Variants in GABRG3 observed in about 807,000 individuals in gnomAD.
GABRG3 encodes the protein gamma-aminobutyric acid receptor subunit gamma-3.
A neutral mutation model predicts 48.8 loss-of-function variants in GABRG3; 25 were observed. The observed-to-expected ratio is 0.51, with a 90% CI of 0.37 to 0.72. The LOEUF (loss-of-function observed/expected upper bound fraction) is 0.72, where lower values mean the gene tolerates loss of function less well. GABRG3 is among the 30% of genes least tolerant of loss of function. GABRG3 has a pLI of 0.00. For synonymous variants in GABRG3, 227 were observed against 217.6 expected, an observed-to-expected ratio of 1.04 and a Z score of -0.38; for missense variants, 394 against 577.9, an observed-to-expected ratio of 0.68 and a Z score of 3.26.
intron 3 of GABRG3, among the ~76,000 whole-genome samples, chr15:27,140,753 T>C (rs182478431): frequency 6.6e-6 from 1 of 152,314 alleles, no homozygotes; most frequent in African/African-American, 2.4e-5. Flanking sequence ...GCATTGACTT[T>C]CATCTTTTTG....
chr15:27,493,078 A>G (rs1489846823), intron 6 of GABRG3, among the ~76,000 whole-genome samples: 1 of 152,224 alleles, frequency 6.6e-6, no homozygotes, highest in Non-Finnish European at 1.5e-5. Flanking sequence ...TTCTTAAATT[A>G]TTGATGCATA....
At chr15:27,255,646 A>T (rs1890588616) in intron 3 of GABRG3, among the ~76,000 whole-genome samples, 1 of 151,892 alleles carries the variant, frequency 6.6e-6, no homozygotes, top group Non-Finnish European at 1.5e-5. Flanking sequence ...AAATCCTGGT[A>T]CTTATTCAGC....
At chr15:27,448,903 C>G (rs1409586642) in intron 5 of GABRG3, among the ~76,000 whole-genome samples, 1 of 152,014 alleles carries the variant, frequency 6.6e-6, no homozygotes, top group Non-Finnish European at 1.5e-5. Flanking sequence ...AGGGATTTCC[C>G]AAATTGTCTT....
rs59391125 is a variant in GABRG3, at chr15:26,974,843, T to TTTATTATTA, written c.54-2120_54-2112dup. 6.2e-4 allele frequency among the ~76,000 whole-genome samples: 87 copies of TTTATTATTA among 140,848 alleles called. No homozygotes were observed. Among genetic ancestry groups the TTTATTATTA allele is most frequent in the East Asian group, 8.2e-4 (4 of 4,880 alleles). The allele number at this position is 140,848 out of a possible 152,430, so 92.4% of individuals were successfully genotyped here. A position where few individuals can be genotyped will look rare whatever the true frequency, so the allele number is the denominator to read the frequency against. On this transcript the variant is annotated intron_variant, in intron 1 of 9. Transcript: ENST00000615808. This position sits in a 1 kb window ranked among gnomAD's most constrained non-coding sequence, Gnocchi z 4.3. ...CAGATGACACGAAATATTTTTTAAA[T>TTTATTATTA]TTATTATTATTATTATTATTATTAT... is the stretch of plus-strand genomic sequence containing the variant.
intron 3 of GABRG3, among the ~76,000 whole-genome samples, chr15:27,217,177 T>C (rs1372417355): frequency 1.3e-5 from 2 of 152,136 alleles, no homozygotes; most frequent in Middle Eastern, 3.2e-3. Context: ...CAGTCTATCA[T>C]TGTTGGACAC....
In GABRG3 at chr15:27,533,392, T is replaced by G. The variant is rs1278792120; in HGVS notation, c.*511T>G. ...ACAGCAGTGGGTTCCAACCCCAGTC[T>G]CCTTTCTCTGTGGCCTCTCTGGCTC... On this transcript the variant is annotated 3_prime_UTR_variant, in exon 10 of 10. Transcript: ENST00000615808. The G allele has an allele frequency of 1.9e-5, 3 of 154,470 alleles. No individual in the cohort carries two copies. Among genetic ancestry groups the G allele is most frequent in the African/African-American group, 7.2e-5 (3 of 41,438 alleles). The allele number at this position is 154,470 out of a possible 1,614,324, so 9.6% of individuals were successfully genotyped here.
chr15:27,377,012 G>A lies in GABRG3; in HGVS notation c.574+48124G>A, dbSNP rs140400174. 8.1e-4 allele frequency among the ~76,000 whole-genome samples: 123 copies of A among 152,162 alleles called. 1 individual carries two copies. Among genetic ancestry groups the A allele is most frequent in the African/African-American group, 2.8e-3 (118 of 41,502 alleles). On this transcript the variant is annotated intron_variant, in intron 5 of 9. Coordinates refer to ENST00000615808, the MANE Select transcript of GABRG3 (RefSeq NM_033223.5). The stretch of plus-strand genomic sequence containing the variant: ...ACCCAACTCACCTCTTGAATGCTTT[G>A]CTGCTTAGAAATTTCTCCACCAGAT...
intron 5 of GABRG3, chr15:27,362,665 A>AT (rs1041766172): frequency 6.6e-6 from 1 of 152,134 alleles, no homozygotes; most frequent in Non-Finnish European, 1.5e-5. Context: ...AGGAACTGGG[A>AT]TTTTTTCACC....
At chr15:27,064,692 G>C (rs1165671174) in intron 3 of GABRG3, among the ~76,000 whole-genome samples, 4 of 152,102 alleles carry the variant, frequency 2.6e-5, no homozygotes, top group Admixed American at 2.0e-4. Flanking sequence ...TAAAGAATGA[G>C]CGTGCAGCAC....
intron 5 of GABRG3, chr15:27,362,277 C>T (rs2140547532): frequency 6.6e-6 from 1 of 152,274 alleles, no homozygotes; most frequent in Admixed American, 6.5e-5. Context: ...TCAGAAATAC[C>T]AGGAAGCTGA....
intron 4 of GABRG3, 55 bp from the exon 5 acceptor site, chr15:27,328,751 C>G: frequency 6.6e-7 from 1 of 1,520,184 alleles, no homozygotes; most frequent in Non-Finnish European, 9.1e-7. Flanking sequence ...GTAACGGCCG[C>G]CGGCCTTGCC....
chr15:27,227,133 C>A lies in GABRG3; in HGVS notation c.271-99676C>A, dbSNP rs563684535. ...TGCATAGAATGTTGTTGATTTAACA[C>A]TAAGGTATCAAGTTCATTAACAGAA... On this transcript the variant is annotated intron_variant, in intron 3 of 9. Transcript: ENST00000615808. Among the ~76,000 whole-genome samples the A allele has an allele frequency of 2.6e-5, 4 of 152,292 alleles. No individual in the cohort carries two copies. In the South Asian group the frequency reaches 8.3e-4, roughly 32 times the overall value.
At chr15:27,104,933 T>A (rs1222095902) in intron 3 of GABRG3, among the ~76,000 whole-genome samples, 1 of 152,210 alleles carries the variant, frequency 6.6e-6, no homozygotes, top group Non-Finnish European at 1.5e-5. Flanking sequence ...AATAATCACT[T>A]TAAGTCTAAA....
At chr15:27,172,319 G>A (rs1016362467) in intron 3 of GABRG3, among the ~76,000 whole-genome samples, 47 of 152,054 alleles carry the variant, frequency 3.1e-4, no homozygotes, top group African/African-American at 1.1e-3. Flanking sequence ...TTGAAATCTT[G>A]GAAGGCTCCT....
At chr15:26,998,460 T>C (rs937637746) in intron 2 of GABRG3, among the ~76,000 whole-genome samples, 3 of 152,200 alleles carry the variant, frequency 2.0e-5, no homozygotes, top group South Asian at 4.1e-4. Flanking sequence ...ACAACAGGCA[T>C]TGGGGTGGTG....
intron 2 of GABRG3, among the ~76,000 whole-genome samples, chr15:27,018,897 A>G (rs933795488): frequency 4.6e-5 from 7 of 152,188 alleles, no homozygotes; most frequent in African/African-American, 1.4e-4. Context: ...GCATTTGAAA[A>G]CAAATCTTCA....
At chr15:27,290,062 G>A (rs1223128328) in intron 3 of GABRG3, among the ~76,000 whole-genome samples, 1 of 152,090 alleles carries the variant, frequency 6.6e-6, no homozygotes, top group African/African-American at 2.4e-5. Flanking sequence ...ACCTTCTAGT[G>A]CCAGAAAGCA....
At chr15:27,093,657 A>G (rs1897229173) in intron 3 of GABRG3, among the ~76,000 whole-genome samples, 1 of 152,032 alleles carries the variant, frequency 6.6e-6, no homozygotes, top group Admixed American at 6.5e-5. Flanking sequence ...AAATTTTAGA[A>G]AGATATCAGG....
At chr15:27,230,298 C>G (rs981257593) in intron 3 of GABRG3, among the ~76,000 whole-genome samples, 8 of 152,150 alleles carry the variant, frequency 5.3e-5, no homozygotes, top group Non-Finnish European at 1.0e-4. Flanking sequence ...TGAACTTGAT[C>G]TACAGCTCAA....
Sources: allele counts gnomAD v4.1 joint callset (sites outside exome capture counted in the v4.1 genomes callset), GRCh38; gene constraint gnomAD v4.1.1; non-coding constraint Gnocchi (gnomAD v3.1); transcripts MANE v1.5; gene names NCBI Gene and HGNC (gene_info 2026-07-23, HGNC 2026-07-21).